RNASEH1: variants seen among roughly 807,000 people sequenced by gnomAD.
RNASEH1 encodes the protein ribonuclease H type II.
RNASEH1 carries 27 observed loss-of-function variants against 34.6 expected under a neutral mutation model. The ratio of observed to expected loss-of-function variants is 0.78; its 90% CI spans 0.58 to 1.08. RNASEH1 has a LOEUF of 1.08. RNASEH1 is among the 50% of genes least tolerant of loss of function. The probability of loss-of-function intolerance (pLI) is 0.00; values close to 1 mark genes in which losing one functional copy is unlikely to be tolerated. For synonymous variants in RNASEH1, 162 were observed against 138.4 expected (o/e 1.17, Z -1.20); for missense variants, 349 against 373.6 (o/e 0.93, Z 0.54).
At chr2:3,539,300 C>G (rs1041373928), downstream of RNASEH1, among the ~76,000 whole-genome samples, 3 of 152,232 alleles carry the variant, frequency 2.0e-5, no homozygotes, top group South Asian at 6.2e-4. Context: ...CGGGCAGAGA[C>G]AGCGGTCCAC....
chr2:3,549,222 GCAT>G (rs1669052582), intron 4 of RNASEH1, 110 bp from the exon 5 acceptor site: 2 of 915,558 alleles, frequency 2.2e-6, no homozygotes, highest in Admixed American at 2.0e-5. Context: ...AAATATAAAA[GCAT>G]CATATAAAAA....
chr2:3,551,580 C>T (rs1006821056), intron 3 of RNASEH1, among the ~76,000 whole-genome samples: 1 of 152,192 alleles, frequency 6.6e-6, no homozygotes, highest in South Asian at 2.1e-4. Flanking sequence ...TAAATTAGAA[C>T]CTATAAATAT....
downstream of RNASEH1, among the ~76,000 whole-genome samples, chr2:3,538,457 T>C (rs1668108585): frequency 6.6e-6 from 1 of 152,014 alleles, no homozygotes; most frequent in African/African-American, 2.4e-5. Context: ...CACAGCATCC[T>C]CTCCCCATTC....
chr2:3,538,358 AATATATATAAT>A (rs1294967813), downstream of RNASEH1, among the ~76,000 whole-genome samples: 4 of 151,040 alleles, frequency 2.6e-5, no homozygotes, highest in Admixed American at 6.6e-5. Context: ...ATCTCAAAAA[AATATATATAAT>A]ATATATATAT....
downstream of RNASEH1, among the ~76,000 whole-genome samples, chr2:3,539,633 G>A (rs1198942159): frequency 6.6e-6 from 1 of 152,052 alleles, no homozygotes; most frequent in Non-Finnish European, 1.5e-5. Context: ...GAGGAACCAC[G>A]ACCACCACGA....
In RNASEH1 at chr2:3,543,018, G is replaced by A. The variant is rs757422610; in HGVS notation, c.*2767C>T. ...AAATAATGGATTCCAAGTGTTAAAC[G>A]GAATTAAGTTTGGCCTAAAACTGCC... On this transcript the variant is annotated 3_prime_UTR_variant, in exon 8 of 8. Transcript: ENST00000315212. Among the ~76,000 whole-genome samples, 2 of 152,138 alleles carry A rather than the reference G, an allele frequency of 1.3e-5. No individual in the cohort carries two copies. Among genetic ancestry groups the A allele is most frequent in the African/African-American group, 2.4e-5 (1 of 41,430 alleles).
chr2:3,547,844 A>C, intron 7 of RNASEH1, 87 bp downstream of exon 7: 1 of 1,283,756 alleles, frequency 7.8e-7, no homozygotes, highest in Non-Finnish European at 1.1e-6. Context: ...TTATGTCATT[A>C]AACCACTTAC....
chr2:3,555,220 A>G (rs1660369107), intron 2 of RNASEH1, among the ~76,000 whole-genome samples: 1 of 152,096 alleles, frequency 6.6e-6, no homozygotes, highest in Non-Finnish European at 1.5e-5. Flanking sequence ...CCCTTAACAT[A>G]AAAGAAGTCT....
chr2:3,532,354 G>T, the RNASEH1 span: 1 of 702,346 alleles, frequency 1.4e-6, no homozygotes, highest in Admixed American at 2.0e-5. Flanking sequence ...GTGGTTCACA[G>T]GTGCCAGCCA....
the RNASEH1 span, chr2:3,533,922 G>A: frequency 6.6e-6 from 1 of 152,292 alleles, no homozygotes; most frequent in South Asian, 2.1e-4. Context: ...TCAAGCCAAA[G>A]ATAGCCTGAA....
chr2:3,555,039 T>C lies in RNASEH1; in HGVS notation c.244+1750A>G, dbSNP rs560844578. ...TTCCCAAAACTAACCCCCAAGGAGA[T>C]AAAGAGGGAGTACACACAAATAACA... On this transcript the variant is annotated intron_variant, in intron 2 of 7. Coordinates refer to ENST00000315212, the MANE Select transcript of RNASEH1 (RefSeq NM_002936.6). Among the ~76,000 whole-genome samples the C allele has an allele frequency of 1.4e-4, 21 of 152,218 alleles. No homozygotes were observed. The South Asian group carries it at 3.7e-3, about 27-fold the overall frequency.
chr2:3,549,946 AG>A (rs1479224655), intron 4 of RNASEH1, among the ~76,000 whole-genome samples: 1 of 143,028 alleles, frequency 7.0e-6, no homozygotes, highest in African/African-American at 2.5e-5. Context: ...ACTCCGTCTC[AG>A]GAAAAAAAAA....
Position 3,549,075 on chromosome 2 carries a change from G to C in RNASEH1, c.547C>G (p.Gln183Glu), listed in dbSNP as rs1162356302. 1.2e-6 allele frequency: 2 copies of C among 1,613,398 alleles called. No homozygotes were observed. Among genetic ancestry groups the C allele is most frequent in the Non-Finnish European group, 1.7e-6 (2 of 1,179,516 alleles). ...TAACTTACATGAATTTCCGCTCTTT[G>C]GTTTGTCTGCCGCCCAGGAAGTCTA... ...GIRLPGRQTN[Q>E]RAEIHAACKA... The change falls in exon 5 of 8, where the codon CAA (glutamine) becomes GAA (glutamate). Residue 183 changes from glutamine to glutamate, a missense_variant. By Grantham distance (29) the Gln-to-Glu change is conservative. Transcript: ENST00000315212.
rs774069598 is a variant in RNASEH1, at chr2:3,558,236, G to A, written c.25C>T (p.His9Tyr). MSWLLFLA[H>Y]RVALAALPCR... ...GGCAAGGCGGCCAAGGCGACTCTGT[G>A]GGCCAGGAACAGAAGCCAGCTCATC... Residue 9 changes from histidine (H) to tyrosine (Y), a missense_variant, in exon 1 of 8, where the codon CAC (histidine) becomes TAC (tyrosine). His to Tyr is a moderately conservative substitution (Grantham distance 83, BLOSUM62 2). This residue lies in a region of RNASEH1 where 256 missense variants were observed against 240.7 expected (regional missense o/e 1.06). Coordinates refer to ENST00000315212, the MANE Select transcript of RNASEH1 (RefSeq NM_002936.6). 34 of 1,597,684 alleles carry A rather than the reference G, an allele frequency of 2.1e-5. No homozygotes were observed. Among genetic ancestry groups the A allele is most frequent in the Non-Finnish European group, 2.6e-5 (30 of 1,174,426 alleles).
chr2:3,546,048 G>A (rs1022144127), intron 7 of RNASEH1, among the ~76,000 whole-genome samples, 177 bp from the exon 8 acceptor site: 3 of 152,154 alleles, frequency 2.0e-5, no homozygotes, highest in South Asian at 2.1e-4. Flanking sequence ...ATGCGTTTAC[G>A]CAATGGATGT....
the RNASEH1 span, chr2:3,533,171 G>A: frequency 6.6e-6 from 1 of 152,326 alleles, no homozygotes; most frequent in Non-Finnish European, 1.5e-5. Context: ...CCGGCCAGAA[G>A]TCTGGTTCTG....
At chr2:3,555,599 C>A (rs759468783) in intron 2 of RNASEH1, among the ~76,000 whole-genome samples, 2 of 152,196 alleles carry the variant, frequency 1.3e-5, no homozygotes, top group Non-Finnish European at 2.9e-5. Flanking sequence ...CAGGTTCAAG[C>A]ATCTCAGTGG....
intron 2 of RNASEH1, among the ~76,000 whole-genome samples, chr2:3,556,173 G>GA (rs550651586): frequency 6.1e-4 from 87 of 142,494 alleles, no homozygotes; most frequent in East Asian, 4.8e-3. Flanking sequence ...CTGTCTCAAG[G>GA]AAAAAAAAAA....
chr2:3,532,384 G>A, the RNASEH1 span: 14 of 701,744 alleles, frequency 2.0e-5, no homozygotes, highest in Admixed American at 1.4e-4. Flanking sequence ...CGATCAGAAC[G>A]TTCATTATTT....
Sources: allele counts gnomAD v4.1 joint callset (sites outside exome capture counted in the v4.1 genomes callset), GRCh38; gene constraint gnomAD v4.1.1; regional missense constraint gnomAD v4.1.1; transcripts MANE v1.5; gene names NCBI Gene and HGNC (gene_info 2026-07-23, HGNC 2026-07-21).